LYPD6B: variants seen among roughly 807,000 people sequenced by gnomAD.
LYPD6B encodes LY6/PLAUR domain containing 6B.
In LYPD6B, 17 loss-of-function variants were observed where a neutral mutation model predicts 22.8. That is an observed-to-expected ratio of 0.75 (90% CI 0.51 to 1.12). The LOEUF is 1.12. LYPD6B is among the 50% of genes most tolerant of loss of function. The pLI, the probability that LYPD6B is intolerant of heterozygous loss-of-function variation, is 0.00. For synonymous variants in LYPD6B, 106 were observed against 91.6 expected (o/e 1.16, Z -0.90); for missense variants, 221 against 258.3 (o/e 0.86, Z 0.99).
At chr2:149,192,955 C>T (rs574067733) in intron 3 of LYPD6B, among the ~76,000 whole-genome samples, 1 of 152,166 alleles carries the variant, frequency 6.6e-6, no homozygotes. Flanking sequence ...GTGATGAGCC[C>T]TGAAGTACAT....
At chr2:149,093,971 T>C (rs1193714377) in intron 1 of LYPD6B, among the ~76,000 whole-genome samples, 3 of 152,228 alleles carry the variant, frequency 2.0e-5, no homozygotes, top group Non-Finnish European at 2.9e-5. Flanking sequence ...AAGAGTTTTC[T>C]TGACTTTTCT....
At chr2:149,130,600 G>A (rs772735881) in intron 1 of LYPD6B, among the ~76,000 whole-genome samples, 5 of 152,168 alleles carry the variant, frequency 3.3e-5, no homozygotes, top group Non-Finnish European at 7.3e-5. Context: ...TGTGACTGGG[G>A]AAAGGAGTGT....
At chr2:149,068,901 G>A (rs1684464156) in intron 1 of LYPD6B, 1 of 287,014 alleles carries the variant, frequency 3.5e-6, no homozygotes, top group Non-Finnish European at 7.2e-6. Flanking sequence ...TGCTCAATTT[G>A]CTTCACCATT....
chr2:149,206,123 A>T (rs1277132354), intron 4 of LYPD6B: 1 of 387,962 alleles, frequency 2.6e-6, no homozygotes, highest in Non-Finnish European at 5.3e-6. Context: ...CTGGAAGAGT[A>T]TCAGAATCAT....
At chr2:149,089,943 C>T (rs766626267) in intron 1 of LYPD6B, among the ~76,000 whole-genome samples, 1 of 152,176 alleles carries the variant, frequency 6.6e-6, no homozygotes, top group Non-Finnish European at 1.5e-5. Flanking sequence ...AGCTGTGGTA[C>T]AAATCTTGGC....
intron 5 of LYPD6B, among the ~76,000 whole-genome samples, chr2:149,210,807 G>C (rs958864926): frequency 1.3e-5 from 2 of 152,182 alleles, no homozygotes; most frequent in African/African-American, 4.8e-5. Flanking sequence ...GTTTTCTCCA[G>C]AACTTTTAGC....
intron 2 of LYPD6B, among the ~76,000 whole-genome samples, chr2:149,133,387 C>T (rs1029695609): frequency 6.6e-6 from 1 of 152,168 alleles, no homozygotes; most frequent in Non-Finnish European, 1.5e-5. Flanking sequence ...ATTAGTGGAT[C>T]TTAGTACCTT....
At chr2:149,052,401 A>G (rs1027199893) in intron 1 of LYPD6B, among the ~76,000 whole-genome samples, 2 of 151,998 alleles carry the variant, frequency 1.3e-5, no homozygotes, top group African/African-American at 4.8e-5. Flanking sequence ...ACTTCTGGCT[A>G]TGGCCAAATG....
chr2:149,061,598 G>C (rs1684084725), intron 1 of LYPD6B, among the ~76,000 whole-genome samples: 1 of 152,070 alleles, frequency 6.6e-6, no homozygotes, highest in South Asian at 2.1e-4. Context: ...CTACCTCTCA[G>C]TTCTCCTGGA....
chr2:149,109,036 A>T (rs2105524552), intron 1 of LYPD6B, among the ~76,000 whole-genome samples: 1 of 152,270 alleles, frequency 6.6e-6, no homozygotes, highest in East Asian at 1.9e-4. Flanking sequence ...TCCCCACAAT[A>T]CATTCTTGTT....
chr2:149,159,529 T>C (rs1169807291), intron 2 of LYPD6B, among the ~76,000 whole-genome samples: 1 of 152,102 alleles, frequency 6.6e-6, no homozygotes, highest in Non-Finnish European at 1.5e-5. Context: ...TGAAATTAGA[T>C]GGCATACTAG....
chr2:149,197,843 A>G (rs1692912122), intron 3 of LYPD6B, among the ~76,000 whole-genome samples: 1 of 152,130 alleles, frequency 6.6e-6, no homozygotes, highest in East Asian at 1.9e-4. Flanking sequence ...GACTTGGCAT[A>G]AGCCTCCTAA....
chr2:149,197,984 C>T (rs1432363426), intron 3 of LYPD6B, among the ~76,000 whole-genome samples: 1 of 151,760 alleles, frequency 6.6e-6, no homozygotes, highest in Non-Finnish European at 1.5e-5. Flanking sequence ...GCAAACCAAT[C>T]TTGATTCTTT....
chr2:149,101,986 G>A (rs895111111), intron 1 of LYPD6B, among the ~76,000 whole-genome samples: 1 of 152,140 alleles, frequency 6.6e-6, no homozygotes, highest in Non-Finnish European at 1.5e-5. Context: ...ATCAGCAAGC[G>A]GTAGAGATAC....
intron 3 of LYPD6B, among the ~76,000 whole-genome samples, chr2:149,168,536 G>A (rs1369839589): frequency 6.6e-6 from 1 of 152,166 alleles, no homozygotes; most frequent in Admixed American, 6.5e-5. Context: ...ACAAGCCCAT[G>A]CCTGATTTGC....
rs1558978354 is a variant in LYPD6B, at chr2:149,067,824, T to C, written c.-67+29023T>C. Among the ~76,000 whole-genome samples the C allele has an allele frequency of 3.3e-5, 5 of 152,186 alleles. No individual in the cohort carries two copies. In the South Asian group the frequency reaches 1.0e-3, roughly 32 times the overall value. On this transcript the variant is annotated intron_variant, in intron 1 of 6. Transcript: ENST00000409642. ...TTCTTAGTGCAACAGAAAAATTTAA[T>C]TTACTACTCACTGGTAGCATGTATT...
intron 1 of LYPD6B, among the ~76,000 whole-genome samples, chr2:149,123,206 G>A (rs1039932192): frequency 6.6e-6 from 1 of 152,176 alleles, no homozygotes. Context: ...CCTCATTTGG[G>A]CAGCAGTGTG....
At chr2:149,205,544 A>G (rs1466151082) in intron 4 of LYPD6B, 140 bp downstream of exon 4, 4 of 921,256 alleles carry the variant, frequency 4.3e-6, no homozygotes, top group Non-Finnish European at 6.6e-6. Context: ...AGTCTCCATT[A>G]CTTCTATGGG....
chr2:149,103,400 T>G (rs1686307293), intron 1 of LYPD6B, among the ~76,000 whole-genome samples: 1 of 152,052 alleles, frequency 6.6e-6, no homozygotes, highest in African/African-American at 2.4e-5. Flanking sequence ...TTCAAGAAAA[T>G]TTTTGCAATG....
Sources: allele counts gnomAD v4.1 joint callset (sites outside exome capture counted in the v4.1 genomes callset), GRCh38; gene constraint gnomAD v4.1.1; transcripts MANE v1.5; gene names NCBI Gene and HGNC (gene_info 2026-07-23, HGNC 2026-07-21).